Variants in ITPR2 observed in about 807,000 individuals in gnomAD.
The protein encoded by ITPR2 is inositol 1,4,5-trisphosphate-gated calcium channel ITPR2.
Under a neutral mutation model 317.1 loss-of-function variants are expected in ITPR2, and 207 were observed. The observed-to-expected ratio is 0.65, with a 90% CI of 0.58 to 0.73. The LOEUF is 0.73. Ranked by LOEUF, ITPR2 falls within the 30% of genes least tolerant of loss-of-function variation. The pLI is 0.00. For missense variants in ITPR2, 2,613 were observed against 3,284.0 expected (o/e 0.80, Z 4.99); for synonymous variants, 1,156 against 1,149.1 (o/e 1.01, Z -0.12).
intron 13 of ITPR2, among the ~76,000 whole-genome samples, chr12:26,670,029 T>C (rs1338340440): frequency 6.6e-6 from 1 of 152,146 alleles, no homozygotes; most frequent in African/African-American, 2.4e-5. Flanking sequence ...CTTGCTTAGG[T>C]AAACAAAGCA....
At position 26,335,531 on chromosome 12, in the gene ITPR2, C is replaced by T. The variant is rs1244132274; in HGVS notation, c.*3866G>A. On this transcript the variant is annotated 3_prime_UTR_variant, in exon 57 of 57. Coordinates refer to ENST00000381340, the MANE Select transcript of ITPR2 (RefSeq NM_002223.4). Reference sequence around the variant, plus strand: ...ATTATTCAAGTCTGTGGAAACACTCCAGTTCAGAGAAGGGTACCTGGATTT... The same window carrying T: ...ATTATTCAAGTCTGTGGAAACACTCTAGTTCAGAGAAGGGTACCTGGATTT... Among the ~76,000 whole-genome samples, 1 of 152,064 alleles carries T rather than the reference C, an allele frequency of 6.6e-6. No homozygotes were observed. Among genetic ancestry groups the T allele is most frequent in the South Asian group, 2.1e-4 (1 of 4,818 alleles).
Position 26,805,627 on chromosome 12 carries a change from T to C in ITPR2, c.93-15400A>G, listed in dbSNP as rs557140116. Among the ~76,000 whole-genome samples, 3 of 114,920 alleles carry C rather than the reference T, an allele frequency of 2.6e-5. No homozygotes were observed. In the East Asian group the frequency reaches 8.4e-4, roughly 32 times the overall value. The allele number at this position is 114,920 out of a possible 152,430, so 75.4% of individuals were successfully genotyped here. ...AAACTAATACTCTTCCAGGAGGGAA[T>C]GGGGAGGAGACAAATCACAAGCAAT... On this transcript the variant is annotated intron_variant, in intron 1 of 56. Transcript: ENST00000381340.
At chr12:26,795,515 TA>T (rs1176481309) in intron 1 of ITPR2, among the ~76,000 whole-genome samples, 6 of 152,120 alleles carry the variant, frequency 3.9e-5, no homozygotes, top group South Asian at 2.1e-4. Flanking sequence ...ACATTAAAAG[TA>T]AGACTTCCAT....
At chr12:26,637,244 A>G (rs991024956) in intron 21 of ITPR2, among the ~76,000 whole-genome samples, 3 of 152,162 alleles carry the variant, frequency 2.0e-5, no homozygotes, top group Non-Finnish European at 4.4e-5. Context: ...GTGGGAAGAT[A>G]TAAGAAAGGA....
intron 37 of ITPR2, among the ~76,000 whole-genome samples, chr12:26,506,211 T>TA (rs11355140): frequency 8.1e-5 from 12 of 148,324 alleles, no homozygotes; most frequent in Admixed American, 2.0e-4. Flanking sequence ...TCTACCAAAT[T>TA]AAAAAAAAAA....
intron 54 of ITPR2, among the ~76,000 whole-genome samples, chr12:26,397,338 G>A (rs1482063030): frequency 6.6e-6 from 1 of 151,604 alleles, no homozygotes; most frequent in Non-Finnish European, 1.5e-5. Context: ...TGGCCTTTCT[G>A]CTTGTACTCA....
At chr12:26,518,954 T>G (rs1943598041) in intron 37 of ITPR2, among the ~76,000 whole-genome samples, 1 of 152,038 alleles carries the variant, frequency 6.6e-6, no homozygotes, top group Non-Finnish European at 1.5e-5. Flanking sequence ...AACGAATAAA[T>G]TTCTAGAAAA....
chr12:26,376,147 T>G lies in ITPR2; in HGVS notation c.7857+11287A>C, dbSNP rs569949478. Among the ~76,000 whole-genome samples the G allele has an allele frequency of 7.7e-4, 118 of 152,346 alleles. 1 individual carries two copies. Among genetic ancestry groups the G allele is most frequent in the African/African-American group, 2.7e-3 (113 of 41,582 alleles). ...AACCTTTTTTAGTAGATTGTCCATT[T>G]TAGATTTCTCATCCGAATTACAGAC... is the stretch of plus-strand genomic sequence containing the variant. On this transcript the variant is annotated intron_variant, in intron 55 of 56. Coordinates refer to ENST00000381340, the MANE Select transcript of ITPR2 (RefSeq NM_002223.4).
chr12:26,771,802 C>T (rs1019730057), intron 2 of ITPR2, among the ~76,000 whole-genome samples: 3 of 152,016 alleles, frequency 2.0e-5, no homozygotes, highest in East Asian at 1.9e-4. Context: ...CATAAGCCAC[C>T]GTGCCTGGCC....
chr12:26,757,210 C>T (rs912190231), intron 2 of ITPR2, among the ~76,000 whole-genome samples: 3 of 149,462 alleles, frequency 2.0e-5, no homozygotes, highest in Non-Finnish European at 4.5e-5. Flanking sequence ...TCTTCTATTC[C>T]TTTACTTTCT....
chr12:26,721,964 T>C lies in ITPR2; in HGVS notation c.525+433A>G, dbSNP rs191902477. Among the ~76,000 whole-genome samples, 12 of 152,230 alleles carry C rather than the reference T, an allele frequency of 7.9e-5. No homozygotes were observed. In the East Asian group the frequency reaches 1.7e-3, roughly 22 times the overall value. On this transcript the variant is annotated intron_variant, in intron 5 of 56. Transcript: ENST00000381340. ...TCTACTCCATCTCTATTAAGACTTATAGACTGTCAGCAGCTGGCATACAGC... is the reference window on the plus strand; with the variant it reads ...TCTACTCCATCTCTATTAAGACTTACAGACTGTCAGCAGCTGGCATACAGC...
intron 21 of ITPR2, among the ~76,000 whole-genome samples, chr12:26,632,430 A>C (rs1022626421): frequency 2.0e-5 from 3 of 152,176 alleles, no homozygotes; most frequent in Non-Finnish European, 2.9e-5. Context: ...ACTAATCGCC[A>C]AGATAAAGTG....
intron 1 of ITPR2, among the ~76,000 whole-genome samples, chr12:26,799,176 T>A (rs1229915580): frequency 3.3e-5 from 5 of 152,226 alleles, no homozygotes. Flanking sequence ...AGAATTGTGC[T>A]TGCTCTTAGG....
chr12:26,792,895 C>T (rs1035508609), intron 1 of ITPR2, among the ~76,000 whole-genome samples: 6 of 152,152 alleles, frequency 3.9e-5, no homozygotes, highest in African/African-American at 1.4e-4. Flanking sequence ...ACCCCAAGTG[C>T]CAGCATCCTC....
At chr12:26,498,925 C>G (rs1022388682) in intron 37 of ITPR2, among the ~76,000 whole-genome samples, 2 of 152,292 alleles carry the variant, frequency 1.3e-5, no homozygotes, top group Non-Finnish European at 1.5e-5. Flanking sequence ...CAACCTCACA[C>G]TCCTGGCCTC....
In ITPR2 at chr12:26,391,388, G is replaced by A. The variant is rs189665095; in HGVS notation, c.7697-3794C>T. On this transcript the variant is annotated intron_variant, in intron 54 of 56. Transcript: ENST00000381340. Reference sequence around the variant, plus strand: ...ATGGCATGGAAAAGCCAGAGATGAAGGTACATGACCTGTTTAGGGAATGTC... The same window carrying A: ...ATGGCATGGAAAAGCCAGAGATGAAAGTACATGACCTGTTTAGGGAATGTC... Among the ~76,000 whole-genome samples, 524 of 152,106 alleles carry A rather than the reference G, an allele frequency of 3.4e-3. 8 individuals are homozygous for A. The highest frequency in any genetic ancestry group is 0.012 in the African/African-American group (504 of 41,482).
chr12:26,680,866 G>C (rs2136959199), intron 13 of ITPR2, among the ~76,000 whole-genome samples: 1 of 152,248 alleles, frequency 6.6e-6, no homozygotes, highest in Non-Finnish European at 1.5e-5. Context: ...AGAGTCTTTT[G>C]GACAGATGTT....
At chr12:26,805,214 CT>C (rs1468913014) in intron 1 of ITPR2, among the ~76,000 whole-genome samples, 69 of 152,186 alleles carry the variant, frequency 4.5e-4, no homozygotes, top group Non-Finnish European at 2.9e-5. Flanking sequence ...CATACTAAAT[CT>C]GTGATGTTGG....
rs1399423702 is a variant in ITPR2 at position 26,530,558 on chromosome 12, T to A, written c.5073+19689A>T. Among the ~76,000 whole-genome samples, 3 of 152,314 alleles carry A rather than the reference T, an allele frequency of 2.0e-5. No homozygotes were observed. In the East Asian group the frequency reaches 5.8e-4, roughly 29 times the overall value. ...CAGTTGGGGCTATGAACTACTAGAA[T>A]CAAGACAGCTAATATTTCTATACAT... is the stretch of plus-strand genomic sequence containing the variant. On this transcript the variant is annotated intron_variant, in intron 37 of 56. Coordinates refer to ENST00000381340, the MANE Select transcript of ITPR2 (RefSeq NM_002223.4).
Sources: gnomAD v4.1 joint callset for allele counts (sites outside exome capture counted in the v4.1 genomes callset) on GRCh38, gnomAD v4.1.1 for gene constraint, MANE v1.5 for transcripts, NCBI Gene and HGNC (gene_info 2026-07-23, HGNC 2026-07-21) for gene names.